Variants in INHBA observed in about 807,000 individuals in gnomAD.
The protein encoded by INHBA is inhibin subunit beta A, also known as inhibin beta A chain.
In INHBA, 1 loss-of-function variant was observed where a neutral mutation model predicts 29.0. The observed-to-expected ratio is 0.03, with a 90% CI of 0.01 to 0.16. The LOEUF is 0.16. Ranked by LOEUF, INHBA falls within the 10% of genes least tolerant of loss-of-function variation. INHBA has a pLI of 1.00. For synonymous variants in INHBA, 242 were observed against 216.8 expected (o/e 1.12, Z -1.02); for missense variants, 376 against 545.4 (o/e 0.69, Z 3.09).
chr7:41,686,735 C>T lies in INHBA; in HGVS notation c.*2915G>A, dbSNP rs1794400883. Reference sequence around the variant, plus strand: ...CTGATAACTGTGGTCACTAATCAACCCCCATGTTATCCCCGATATGTCTAG... The same window carrying T: ...CTGATAACTGTGGTCACTAATCAACTCCCATGTTATCCCCGATATGTCTAG... On this transcript the variant is annotated 3_prime_UTR_variant, in exon 3 of 3. Coordinates refer to ENST00000242208, the MANE Select transcript of INHBA (RefSeq NM_002192.4). 6.6e-6 allele frequency: 1 copy of T among 152,036 alleles called. No individual in the cohort carries two copies. Among genetic ancestry groups the T allele is most frequent in the African/African-American group, 2.4e-5 (1 of 41,392 alleles). 9.4% of individuals were successfully genotyped at this position (152,036 alleles called of 1,614,324 possible).
At chr7:41,702,102 G>A (rs1487803743) in intron 1 of INHBA, among the ~76,000 whole-genome samples, 1 of 151,996 alleles carries the variant, frequency 6.6e-6, no homozygotes, top group Non-Finnish European at 1.5e-5. Context: ...AAGCCCTCTT[G>A]GTTTCTGAAG....
chr7:41,698,747 C>A lies in INHBA; in HGVS notation c.388+1240G>T, dbSNP rs548120310. Among the ~76,000 whole-genome samples, 9 of 152,302 alleles carry A rather than the reference C, an allele frequency of 5.9e-5. No homozygotes were observed. The East Asian group carries it at 9.7e-4, about 16-fold the overall frequency. ...GGCTATCTGCACCCCCGGAAAGATG[C>A]CCTGGTCTTTCATGGTTTTCTTGAA... On this transcript the variant is annotated intron_variant, in intron 2 of 2. Transcript: ENST00000242208.
At chr7:41,695,416 C>T (rs1010667208) in intron 2 of INHBA, among the ~76,000 whole-genome samples, 1 of 152,212 alleles carries the variant, frequency 6.6e-6, no homozygotes, top group Non-Finnish European at 1.5e-5. Flanking sequence ...CTACCATTTA[C>T]AGGGTGCATT....
At chr7:41,694,511 G>A (rs1794596779) in intron 2 of INHBA, among the ~76,000 whole-genome samples, 1 of 152,208 alleles carries the variant, frequency 6.6e-6, no homozygotes, top group African/African-American at 2.4e-5. Flanking sequence ...TCTTCCCATA[G>A]TGCGCCGTGA....
upstream of INHBA, among the ~76,000 whole-genome samples, chr7:41,703,780 C>CACACAT (rs1189044704): frequency 6.6e-6 from 1 of 150,988 alleles, no homozygotes. Context: ...CACACACACA[C>CACACAT]ACACACACAC....
At chr7:41,696,601 A>C (rs1391871952) in intron 2 of INHBA, among the ~76,000 whole-genome samples, 2 of 151,986 alleles carry the variant, frequency 1.3e-5, no homozygotes, top group African/African-American at 4.8e-5. Context: ...AAGGAGCAAA[A>C]GTCTTTGGAA....
intron 2 of INHBA, among the ~76,000 whole-genome samples, chr7:41,693,631 T>C (rs1313109533): frequency 6.6e-6 from 1 of 152,172 alleles, no homozygotes; most frequent in Admixed American, 6.5e-5. Flanking sequence ...GAGAGAGGAT[T>C]GTACAAAGAG....
intron 2 of INHBA, among the ~76,000 whole-genome samples, chr7:41,694,604 C>A (rs139662277): frequency 6.6e-6 from 1 of 152,174 alleles, no homozygotes; most frequent in Non-Finnish European, 1.5e-5. Flanking sequence ...GGTTGCTTTG[C>A]GAACCTTTCA....
Position 41,690,351 on chromosome 7 carries a change from C to T in INHBA, c.580G>A (p.Glu194Lys), listed in dbSNP as rs1165688714. Residue 194 changes from glutamate (E) to lysine (K), a missense_variant, in exon 3 of 3, where the codon GAA becomes AAA. Physicochemically the swap from Glu to Lys is moderately conservative, Grantham distance 56 (BLOSUM62 1). Around this residue, in one of 4 missense-constraint regions of INHBA, gnomAD observed 253 missense variants for 313.4 expected, o/e 0.81. Coordinates refer to ENST00000242208, the MANE Select transcript of INHBA (RefSeq NM_002192.4). ...CTCCTCTCCCCCTTTAAGCCCACTT[C>T]CTCGGCCTCTTCCCCTGTGTCCAAG... is the stretch of plus-strand genomic sequence containing the variant. ...GSLDTGEEAE[E>K]VGLKGERSEL... 3 of 1,614,090 alleles carry T rather than the reference C, an allele frequency of 1.9e-6. No individual in the cohort carries two copies. The highest frequency in any genetic ancestry group is 1.3e-5 in the African/African-American group (1 of 75,016).
chr7:41,699,567 A>G (rs1583598881), intron 2 of INHBA, among the ~76,000 whole-genome samples: 1 of 151,996 alleles, frequency 6.6e-6, no homozygotes, highest in African/African-American at 2.4e-5. Context: ...TCTACCCTCA[A>G]TAAAAACTTG....
In INHBA at chr7:41,689,279, G is replaced by A. The variant is rs182551348; in HGVS notation, c.*371C>T. The A allele has an allele frequency of 2.9e-4, 75 of 259,170 alleles. No individual in the cohort carries two copies. In the East Asian group the frequency reaches 4.3e-3, roughly 15 times the overall value. The allele number at this position is 259,170 out of a possible 1,614,324, so 16.1% of individuals were successfully genotyped here. ...GGTTGTTCTAGTCCACACTACTGCA[G>A]ACTAGATTGGTTGATTCAAGGCTCA... On this transcript the variant is annotated 3_prime_UTR_variant, in exon 3 of 3. Coordinates refer to ENST00000242208, the MANE Select transcript of INHBA (RefSeq NM_002192.4).
intron 2 of INHBA, among the ~76,000 whole-genome samples, chr7:41,695,898 A>G (rs1335417618): frequency 6.6e-6 from 1 of 152,136 alleles, no homozygotes; most frequent in African/African-American, 2.4e-5. Context: ...GCCAAGACAA[A>G]TATGTGTTTT....
chr7:41,699,294 T>A lies in INHBA; in HGVS notation c.388+693A>T, dbSNP rs375512348. On this transcript the variant is annotated intron_variant, in intron 2 of 2. Coordinates refer to ENST00000242208, the MANE Select transcript of INHBA (RefSeq NM_002192.4). The stretch of plus-strand genomic sequence containing the variant: ...ACAAAACTGGTTGTTTTATTTATTT[T>A]TTTTTCTTTCAGAGAGCAAAAGTCA... Among the ~76,000 whole-genome samples the A allele has an allele frequency of 2.4e-3, 372 of 152,330 alleles. 3 individuals carry two copies. Among genetic ancestry groups the A allele is most frequent in the Middle Eastern group, 6.8e-3 (2 of 294 alleles).
At chr7:41,694,255 G>C (rs1403125321) in intron 2 of INHBA, among the ~76,000 whole-genome samples, 1 of 152,122 alleles carries the variant, frequency 6.6e-6, no homozygotes, top group Non-Finnish European at 1.5e-5. Context: ...TTAAGCCTCG[G>C]AATGTCCTAG....
intron 1 of INHBA, among the ~76,000 whole-genome samples, chr7:41,701,430 A>T (rs969667116): frequency 3.9e-5 from 6 of 152,146 alleles, no homozygotes; most frequent in African/African-American, 9.7e-5. Flanking sequence ...GGTCATCAAC[A>T]CTGGCAGGCA....
chr7:41,691,987 A>C (rs1209179900), intron 2 of INHBA: 1 of 152,224 alleles, frequency 6.6e-6, no homozygotes, highest in Non-Finnish European at 1.5e-5. Context: ...CCACATTGTC[A>C]GGGCAGTTGA....
rs35168740 is a variant in INHBA, at chr7:41,690,000, C to T, written c.931G>A (p.Gly311Ser). ...EDHPHRRRRRGLECDGKVNIC... is the reference protein window; with the variant it reads ...EDHPHRRRRRSLECDGKVNIC... ...TTGACCTTGCCATCACACTCCAAGC[C>T]CCGCCGACGCCGGCGATGAGGGTGG... The change falls in exon 3 of 3, where the codon GGC (glycine) becomes AGC (serine). Residue 311 changes from glycine (G) to serine (S), a missense_variant. Coordinates refer to ENST00000242208, the MANE Select transcript of INHBA (RefSeq NM_002192.4). The T allele has an allele frequency of 1.2e-6, 2 of 1,613,958 alleles. No homozygotes were observed. Among genetic ancestry groups the T allele is most frequent in the African/African-American group, 2.7e-5 (2 of 74,926 alleles).
At chr7:41,701,840 A>C (rs1477873942) in intron 1 of INHBA, among the ~76,000 whole-genome samples, 3 of 152,232 alleles carry the variant, frequency 2.0e-5, no homozygotes, top group East Asian at 3.9e-4. Flanking sequence ...CGACCAGTGC[A>C]TTCATAGACA....
At position 41,689,997 on chromosome 7, in the gene INHBA, A is replaced by G; in HGVS notation, c.934T>C (p.Leu312=). The change falls in exon 3 of 3, where the codon TTG becomes CTG. Residue 312 remains leucine (L), a synonymous_variant. Coordinates refer to ENST00000242208, the MANE Select transcript of INHBA (RefSeq NM_002192.4). Reference sequence around the variant, plus strand: ...ATGTTGACCTTGCCATCACACTCCAAGCCCCGCCGACGCCGGCGATGAGGG... The same window carrying G: ...ATGTTGACCTTGCCATCACACTCCAGGCCCCGCCGACGCCGGCGATGAGGG... ...DHPHRRRRRG[L]ECDGKVNICC... 1 of 1,614,068 alleles carries G rather than the reference A, an allele frequency of 6.2e-7. No individual in the cohort carries two copies. Among genetic ancestry groups the G allele is most frequent in the Non-Finnish European group, 8.5e-7 (1 of 1,180,036 alleles).
Sources: gnomAD v4.1 joint callset for allele counts (sites outside exome capture counted in the v4.1 genomes callset) on GRCh38, gnomAD v4.1.1 for gene constraint, gnomAD v4.1.1 regional missense constraint, MANE v1.5 for transcripts, NCBI Gene and HGNC (gene_info 2026-07-23, HGNC 2026-07-21) for gene names.